The following FGD4 variants were observed in gnomAD, a reference collection of about 807,000 sequenced individuals.
FGD4 encodes FYVE, RhoGEF and PH domain-containing protein 4.
In FGD4, 42 loss-of-function variants were observed where a neutral mutation model predicts 102.0. That is an observed-to-expected ratio of 0.41 (90% CI 0.32 to 0.53). The LOEUF is 0.53. Among genes scored for constraint, FGD4 ranks in the 20% least tolerant of loss-of-function variants. The pLI is 0.21. For synonymous variants in FGD4, 380 were observed against 375.7 expected, an observed-to-expected ratio of 1.01 and a Z score of -0.13; for missense variants, 902 against 1,078.2, an observed-to-expected ratio of 0.84 and a Z score of 2.29.
In FGD4 at chr12:32,582,438, G is replaced by A. The variant is rs749693316; in HGVS notation, c.982G>A (p.Glu328Lys). The change falls in exon 4 of 17, where the codon GAG (glutamate) becomes AAG (lysine). Residue 328 changes from glutamate to lysine, a missense_variant. By Grantham distance (56) the Glu-to-Lys change is moderately conservative. Coordinates refer to ENST00000534526, the MANE Select transcript of FGD4 (RefSeq NM_001370298.3). ...RENGESPLEL[E>K]QLDQHHEMKE... ...AAATGGGGAAAGCCCTCTGGAACTG[G>A]AGCAGCTGGACCAGCACCATGAGAT... 13 of 1,612,176 alleles carry A rather than the reference G, an allele frequency of 8.1e-6. No homozygotes were observed. Among genetic ancestry groups the A allele is most frequent in the Non-Finnish European group, 1.1e-5 (13 of 1,180,020 alleles).
chr12:32,642,473 A>G lies in FGD4; in HGVS notation c.*1940A>G, dbSNP rs1039238080. 4.6e-5 allele frequency: 7 copies of G among 152,246 alleles called. No individual in the cohort carries two copies. The highest frequency in any genetic ancestry group is 1.2e-4 in the African/African-American group (5 of 41,580). 9.4% of individuals were successfully genotyped at this position (152,246 alleles called of 1,614,324 possible). A position where few individuals can be genotyped will look rare whatever the true frequency, so the allele number is the denominator to read the frequency against. Reference sequence around the variant, plus strand: ...TAGAACAATGGTAATGTATGGGCCAATGGGAAGATTTATAAGTCAGATTAT... The same window carrying G: ...TAGAACAATGGTAATGTATGGGCCAGTGGGAAGATTTATAAGTCAGATTAT... On this transcript the variant is annotated 3_prime_UTR_variant, in exon 17 of 17. Coordinates refer to ENST00000534526, the MANE Select transcript of FGD4 (RefSeq NM_001370298.3).
intron 4 of FGD4, among the ~76,000 whole-genome samples, chr12:32,595,029 TA>T (rs58538152): frequency 0.39 from 51,755 of 133,254 alleles, 9,281 homozygotes; most frequent in Middle Eastern, 0.56. Context: ...AGACTCCGTC[TA>T]AAAAAAAAAA....
chr12:32,542,525 C>T (rs777423284), intron 1 of FGD4, among the ~76,000 whole-genome samples: 1 of 152,154 alleles, frequency 6.6e-6, no homozygotes, highest in Non-Finnish European at 1.5e-5. Flanking sequence ...TTTTCTTCTC[C>T]TCTCTGGACC....
intron 11 of FGD4, among the ~76,000 whole-genome samples, chr12:32,620,520 C>CTTTCTTTCTT (rs1949747434): frequency 1.1e-5 from 1 of 91,136 alleles, no homozygotes; most frequent in Non-Finnish European, 2.0e-5. Flanking sequence ...TTTTTTCTTT[C>CTTTCTTTCTT]TTTTTTTTTT....
intron 1 of FGD4, among the ~76,000 whole-genome samples, chr12:32,435,782 T>A (rs2136445436): frequency 6.6e-6 from 1 of 152,344 alleles, no homozygotes; most frequent in South Asian, 2.1e-4. Context: ...ATCTAGTCCA[T>A]GGTTTTCATA....
chr12:32,401,967 A>G (rs953120091), intron 1 of FGD4, among the ~76,000 whole-genome samples: 3 of 147,230 alleles, frequency 2.0e-5, no homozygotes, highest in Admixed American at 6.8e-5. Flanking sequence ...CAGTGACGCA[A>G]TCTTGGCTCA....
chr12:32,481,498 C>T (rs1416791337), intron 1 of FGD4, among the ~76,000 whole-genome samples: 2 of 151,992 alleles, frequency 1.3e-5, no homozygotes, highest in African/African-American at 2.4e-5. Context: ...GACTTTAGAC[C>T]TATGCCGTCC....
At chr12:32,587,413 C>T (rs913287325) in intron 4 of FGD4, among the ~76,000 whole-genome samples, 8 of 151,850 alleles carry the variant, frequency 5.3e-5, no homozygotes, top group South Asian at 2.1e-4. Context: ...GACAGGGTCT[C>T]GGTCTGTTGC....
chr12:32,635,590 G>T (rs1950758290), intron 15 of FGD4, among the ~76,000 whole-genome samples: 1 of 152,048 alleles, frequency 6.6e-6, no homozygotes. Context: ...GAGTCAGAGA[G>T]AAAATATTTT....
intron 1 of FGD4, among the ~76,000 whole-genome samples, chr12:32,542,435 G>A (rs1005942777): frequency 6.6e-6 from 1 of 152,204 alleles, no homozygotes; most frequent in African/African-American, 2.4e-5. Context: ...TTGGTTACTT[G>A]TGATTGAGAT....
At chr12:32,579,916 G>A (rs1463583829) in intron 3 of FGD4, among the ~76,000 whole-genome samples, 1 of 151,456 alleles carries the variant, frequency 6.6e-6, no homozygotes, top group Non-Finnish European at 1.5e-5. Flanking sequence ...CTCCAGTCCA[G>A]ATCAGCAGTG....
intron 4 of FGD4, among the ~76,000 whole-genome samples, chr12:32,584,724 C>T (rs1318764342): frequency 3.3e-5 from 5 of 152,046 alleles, no homozygotes; most frequent in African/African-American, 7.3e-5. Context: ...TTAAGCTGTC[C>T]AATGTGTTGA....
At chr12:32,563,757 G>A (rs1173054020) in intron 1 of FGD4, among the ~76,000 whole-genome samples, 2 of 152,178 alleles carry the variant, frequency 1.3e-5, no homozygotes, top group Non-Finnish European at 2.9e-5. Context: ...CCGGCACCTC[G>A]GGAGGCCGAG....
intron 1 of FGD4, among the ~76,000 whole-genome samples, chr12:32,478,096 C>T (rs1943627122): frequency 6.6e-6 from 1 of 152,138 alleles, no homozygotes; most frequent in Non-Finnish European, 1.5e-5. Context: ...GAGTTTATAT[C>T]CATCTTTCAT....
intron 5 of FGD4, chr12:32,600,592 C>CTTTTTTTTTTTTTTTT (rs1181093585): frequency 3.0e-5 from 6 of 200,870 alleles, no homozygotes; most frequent in African/African-American, 1.4e-4. Flanking sequence ...TTCTTTCTTT[C>CTTTTTTTTTTTTTTTT]TTTTTTTTTT....
At chr12:32,403,065 A>C (rs1940758123) in intron 1 of FGD4, among the ~76,000 whole-genome samples, 1 of 152,140 alleles carries the variant, frequency 6.6e-6, no homozygotes, top group Admixed American at 6.6e-5. Flanking sequence ...AAAACCACAA[A>C]ATTTAAACGC....
Position 32,445,870 on chromosome 12 carries a change from A to T in FGD4, c.166+45911A>T, listed in dbSNP as rs527254549. On this transcript the variant is annotated intron_variant, in intron 1 of 16. Transcript: ENST00000534526. ...AAATTCCTTCATTTGTAGCTAATTT[A>T]AAAATGTTACTTTGGACTGGGTGCT... Among the ~76,000 whole-genome samples, 436 of 152,332 alleles carry T rather than the reference A, an allele frequency of 2.9e-3. 5 individuals carry two copies. The highest frequency in any genetic ancestry group is 5.8e-3 in the Admixed American group (89 of 15,304).
chr12:32,444,021 C>CTTTTTTT (rs67353121), intron 1 of FGD4, among the ~76,000 whole-genome samples: 5 of 119,144 alleles, frequency 4.2e-5, no homozygotes, highest in Non-Finnish European at 9.3e-5. Context: ...ACTTTGTTTT[C>CTTTTTTT]TTTTTTTTTT....
chr12:32,542,575 G>A (rs938683487), intron 1 of FGD4, among the ~76,000 whole-genome samples: 1 of 152,196 alleles, frequency 6.6e-6, no homozygotes, highest in Admixed American at 6.5e-5. Context: ...AAATAGTTTG[G>A]CAGTGGGCAG....
Sources: allele counts gnomAD v4.1 joint callset (sites outside exome capture counted in the v4.1 genomes callset), GRCh38; gene constraint gnomAD v4.1.1; transcripts MANE v1.5; gene names NCBI Gene and HGNC (gene_info 2026-07-23, HGNC 2026-07-21).